CCDC60: variants seen among roughly 807,000 people sequenced by gnomAD.
CCDC60 encodes the protein coiled-coil domain-containing protein 60.
Under a neutral mutation model 63.5 loss-of-function variants are expected in CCDC60, and 54 were observed. The observed-to-expected ratio is 0.85, with a 90% confidence interval of 0.68 to 1.07. The LOEUF is 1.07. Ranked by LOEUF, CCDC60 falls within the 50% of genes least tolerant of loss-of-function variation. The probability of loss-of-function intolerance (pLI) is 0.00; values close to 1 mark genes in which losing one functional copy is unlikely to be tolerated. For missense variants in CCDC60, 651 were observed against 684.3 expected (o/e 0.95, Z 0.54); for synonymous variants, 206 against 238.8 (o/e 0.86, Z 1.27).
At chr12:119,430,929 C>G (rs1241135633) in intron 2 of CCDC60, among the ~76,000 whole-genome samples, 1 of 152,180 alleles carries the variant, frequency 6.6e-6, no homozygotes, top group African/African-American at 2.4e-5. Flanking sequence ...AGAGAATGAT[C>G]CAGCTCAAAG....
intron 1 of CCDC60, among the ~76,000 whole-genome samples, chr12:119,401,813 G>T (rs1956397686): frequency 6.6e-6 from 1 of 152,174 alleles, no homozygotes; most frequent in East Asian, 1.9e-4. Context: ...GTAACGCCCT[G>T]GTGTCATGAG....
At chr12:119,342,078 C>T (rs1046937194) in intron 1 of CCDC60, among the ~76,000 whole-genome samples, 4 of 152,172 alleles carry the variant, frequency 2.6e-5, no homozygotes, top group African/African-American at 9.7e-5. Flanking sequence ...TTATTTTTCT[C>T]ATGTGAGAAG....
At chr12:119,351,704 A>G (rs943571503) in intron 1 of CCDC60, among the ~76,000 whole-genome samples, 3 of 152,180 alleles carry the variant, frequency 2.0e-5, no homozygotes, top group Non-Finnish European at 2.9e-5. Flanking sequence ...AGTGACCTTT[A>G]CTCCAGTTCC....
intron 4 of CCDC60, among the ~76,000 whole-genome samples, chr12:119,485,799 C>G (rs1951425843): frequency 6.6e-6 from 1 of 152,252 alleles, no homozygotes; most frequent in African/African-American, 2.4e-5. Flanking sequence ...ACAATTCAGC[C>G]AATTACAAAT....
At chr12:119,450,835 C>T (rs901961498) in intron 2 of CCDC60, among the ~76,000 whole-genome samples, 10 of 143,612 alleles carry the variant, frequency 7.0e-5, no homozygotes, top group African/African-American at 1.3e-4. Context: ...TCCAGCCTGG[C>T]GACAGAGCAA....
At chr12:119,528,799 G>GT in intron 12 of CCDC60, 53 bp downstream of exon 12, 4 of 1,555,194 alleles carry the variant, frequency 2.6e-6, no homozygotes, top group Non-Finnish European at 3.5e-6. Context: ...ACAGGGTGTT[G>GT]TTATTACAAG....
In CCDC60 at chr12:119,520,176, A is replaced by C; in HGVS notation, c.1024A>C (p.Thr342Pro). Residue 342 changes from threonine (T) to proline (P), a missense_variant, in exon 9 of 14, where the codon ACC becomes CCC. Coordinates refer to ENST00000327554, the MANE Select transcript of CCDC60 (RefSeq NM_178499.5). Reference protein sequence around the residue: ...KSNSAYKEMQTTLKSSERSSS... With the variant: ...KSNSAYKEMQPTLKSSERSSS... ...TAATTCTGCTTATAAGGAAATGCAG[A>C]CCACTCTCAAATCAAGGTAGGAAAG... is the stretch of plus-strand genomic sequence containing the variant. 1 of 1,613,802 alleles carries C rather than the reference A, an allele frequency of 6.2e-7. No individual in the cohort carries two copies.
intron 1 of CCDC60, among the ~76,000 whole-genome samples, chr12:119,342,747 A>G (rs1460211079): frequency 7.2e-5 from 11 of 152,246 alleles, no homozygotes; most frequent in Admixed American, 6.5e-5. Context: ...ACAGAAGTGA[A>G]TAAAGAAAAT....
At chr12:119,388,761 G>T (rs1240992854) in intron 1 of CCDC60, among the ~76,000 whole-genome samples, 2 of 152,142 alleles carry the variant, frequency 1.3e-5, no homozygotes, top group Admixed American at 6.5e-5. Context: ...ATTCTCAAGT[G>T]CTTCTATAAC....
chr12:119,354,078 C>T lies in CCDC60; in HGVS notation c.90+18812C>T, dbSNP rs66797690. ...GCTCTCTCTCTTTCTCTCTCTCTCT[C>T]GTCTCTCTCCTACCTCTTTCCTTTC... On this transcript the variant is annotated intron_variant, in intron 1 of 13. Coordinates refer to ENST00000327554, the MANE Select transcript of CCDC60 (RefSeq NM_178499.5). 1.4e-3 allele frequency among the ~76,000 whole-genome samples: 219 copies of T among 151,064 alleles called. 2 individuals are homozygous for T. Among genetic ancestry groups the T allele is most frequent in the African/African-American group, 3.9e-3 (159 of 41,178 alleles).
At position 119,479,082 on chromosome 12, in the gene CCDC60, C is replaced by T; in HGVS notation, c.342-12C>T. ...ATTGTTCACATTGTTTCTCTGTCTG[C>T]TTGTCCTTCAGCACATATGATGATG... On this transcript the variant is annotated splice_polypyrimidine_tract_variant and intron_variant, in intron 3 of 13. Transcript: ENST00000327554. 2.5e-6 allele frequency: 4 copies of T among 1,589,128 alleles called. No homozygotes were observed. The East Asian group carries it at 6.7e-5, about 27-fold the overall frequency.
chr12:119,335,621 C>A (rs1262240762), intron 1 of CCDC60, among the ~76,000 whole-genome samples: 1 of 151,230 alleles, frequency 6.6e-6, no homozygotes, highest in East Asian at 1.9e-4. Flanking sequence ...CTGTTCATGT[C>A]CTTTGCCCAC....
intron 1 of CCDC60, among the ~76,000 whole-genome samples, chr12:119,421,050 A>AT (rs1182644293): frequency 6.6e-6 from 1 of 151,270 alleles, no homozygotes; most frequent in Admixed American, 6.6e-5. Flanking sequence ...TTCCCCGCTC[A>AT]CCCCTCGACG....
At position 119,410,350 on chromosome 12, in the gene CCDC60, T is replaced by C. The variant is rs138539858; in HGVS notation, c.91-18333T>C. ...AAAAAGTGATGTACCTTTTGATACA[T>C]TTTTTTAAACCATTTGAAAATACTA... On this transcript the variant is annotated intron_variant, in intron 1 of 13. Coordinates refer to ENST00000327554, the MANE Select transcript of CCDC60 (RefSeq NM_178499.5). This position sits in a 1 kb window ranked among gnomAD's most constrained non-coding sequence, Gnocchi z 4.0. Among the ~76,000 whole-genome samples the C allele has an allele frequency of 4.6e-4, 70 of 150,604 alleles. No individual in the cohort carries two copies. The highest frequency in any genetic ancestry group is 3.4e-3 in the Middle Eastern group (1 of 292).
At chr12:119,373,782 G>A (rs1199266160) in intron 1 of CCDC60, among the ~76,000 whole-genome samples, 2 of 152,056 alleles carry the variant, frequency 1.3e-5, no homozygotes, top group Admixed American at 6.6e-5. Context: ...CCATCCAGAT[G>A]TTTCTAAAAT....
chr12:119,453,996 T>C (rs1336212312), intron 2 of CCDC60, among the ~76,000 whole-genome samples: 1 of 152,298 alleles, frequency 6.6e-6, no homozygotes, highest in East Asian at 1.9e-4. Flanking sequence ...ACCATACTAA[T>C]TGCCTCTCAT....
chr12:119,386,439 C>G (rs747386619), intron 1 of CCDC60, among the ~76,000 whole-genome samples: 1 of 151,780 alleles, frequency 6.6e-6, no homozygotes, highest in Non-Finnish European at 1.5e-5. Flanking sequence ...ACCCATTTGT[C>G]AGACTCAGTC....
chr12:119,371,581 C>T lies in CCDC60; in HGVS notation c.90+36315C>T, dbSNP rs1565974546. On this transcript the variant is annotated intron_variant, in intron 1 of 13. Transcript: ENST00000327554. The stretch of plus-strand genomic sequence containing the variant: ...AAAAGCCATCAAATCTTGGTCAAGA[C>T]ACTTCTCTTTTCTGAGCCTGAGGTT... Among the ~76,000 whole-genome samples the T allele has an allele frequency of 1.3e-5, 2 of 152,226 alleles. 1 individual carries two copies. Among genetic ancestry groups the T allele is most frequent in the Non-Finnish European group, 2.9e-5 (2 of 68,038 alleles).
rs978875617 is a variant in CCDC60 at position 119,516,491 on chromosome 12, G to A, written c.884-132G>A. On this transcript the variant is annotated intron_variant, in intron 7 of 13. Transcript: ENST00000327554. ...TATCAGCCACCTCTTCTGGACCCCAGTGGAATCTCTCTCCAGATCTCCAAC... is the reference window on the plus strand; with the variant it reads ...TATCAGCCACCTCTTCTGGACCCCAATGGAATCTCTCTCCAGATCTCCAAC... 1.8e-5 allele frequency: 11 copies of A among 625,298 alleles called. No homozygotes were observed. In the Admixed American group the frequency reaches 2.9e-4, roughly 17 times the overall value. The allele number at this position is 625,298 out of a possible 1,614,324, so 38.7% of individuals were successfully genotyped here. A position where few individuals can be genotyped will look rare whatever the true frequency, so the allele number is the denominator to read the frequency against.
Sources: gnomAD v4.1 joint callset for allele counts (sites outside exome capture counted in the v4.1 genomes callset) on GRCh38, gnomAD v4.1.1 for gene constraint, Gnocchi (gnomAD v3.1) non-coding constraint, MANE v1.5 for transcripts, NCBI Gene and HGNC (gene_info 2026-07-23, HGNC 2026-07-21) for gene names.